EXOSC9: variants seen among roughly 807,000 people sequenced by gnomAD.
The protein encoded by EXOSC9 is exosome complex component RRP45.
In EXOSC9, 38 loss-of-function variants were observed where a neutral mutation model predicts 56.5. That is an observed-to-expected ratio of 0.67 (90% CI 0.52 to 0.88). The LOEUF is 0.88. Among genes scored for constraint, EXOSC9 ranks in the 40% least tolerant of loss-of-function variants. The probability of loss-of-function intolerance (pLI) is 0.00; values close to 1 mark genes in which losing one functional copy is unlikely to be tolerated. For missense variants in EXOSC9, 559 were observed against 530.5 expected, an observed-to-expected ratio of 1.05 and a Z score of -0.53; for synonymous variants, 170 against 170.8, an observed-to-expected ratio of 0.99 and a Z score of 0.04.
intron 6 of EXOSC9, 69 bp downstream of exon 6, chr4:121,807,691 T>A: frequency 2.2e-6 from 2 of 923,550 alleles, no homozygotes; most frequent in South Asian, 1.3e-5. Context: ...TACTCAAGTA[T>A]GTCATGTTAA....
chr4:121,804,387 T>C (rs1292864221), intron 4 of EXOSC9: 2 of 328,146 alleles, frequency 6.1e-6, no homozygotes, highest in Non-Finnish European at 1.1e-5. Flanking sequence ...TAGTATTAAA[T>C]GTTAGAGTGG....
rs1727163416 is a variant in EXOSC9 at position 121,809,984 on chromosome 4, A to T, written c.623A>T (p.Asp208Val). The change falls in exon 7 of 12, where the codon GAT becomes GTT. Residue 208 changes from aspartate to valine, a missense_variant. Physicochemically the swap from Asp to Val is radical, Grantham distance 152. Coordinates refer to ENST00000243498, the MANE Select transcript of EXOSC9 (RefSeq NM_005033.3). ...FFQQGTYLLV[D>V]PNEREERVMD... ...CATTTCAGAACATATTTATTGGTGG[A>T]TCCCAATGAACGAGAAGAACGTGTG... is the stretch of plus-strand genomic sequence containing the variant. 2 of 1,614,120 alleles carry T rather than the reference A, an allele frequency of 1.2e-6. No individual in the cohort carries two copies. The highest frequency in any genetic ancestry group is 1.7e-6 in the Non-Finnish European group (2 of 1,179,964).
intron 7 of EXOSC9, 62 bp downstream of exon 7, chr4:121,810,161 G>A (rs1444236229): frequency 8.1e-6 from 12 of 1,472,652 alleles, no homozygotes; most frequent in Middle Eastern, 1.7e-4. Context: ...GCTTTTTCTT[G>A]TCTTTTAACA....
chr4:121,816,155 C>T, intron 10 of EXOSC9: 1 of 651,312 alleles, frequency 1.5e-6, no homozygotes. Context: ...GCTGGGGTTT[C>T]ACCATGTTGG....
chr4:121,807,318 G>C (rs1181527305), intron 5 of EXOSC9, among the ~76,000 whole-genome samples: 1 of 152,082 alleles, frequency 6.6e-6, no homozygotes, highest in Non-Finnish European at 1.5e-5. Context: ...TTTATGGGAT[G>C]TAAATTATGT....
intron 5 of EXOSC9, 86 bp from the exon 6 acceptor site, chr4:121,807,454 T>C (rs1244124204): frequency 6.8e-6 from 5 of 732,824 alleles, no homozygotes; most frequent in Non-Finnish European, 1.1e-5. Context: ...AGGAACTTCA[T>C]TTTTTAGTAT....
At chr4:121,813,675 T>C (rs1377935654) in intron 9 of EXOSC9, 191 bp from the exon 10 acceptor site, 1 of 532,942 alleles carries the variant, frequency 1.9e-6, no homozygotes, top group Non-Finnish European at 3.3e-6. Flanking sequence ...ATTGCATCCA[T>C]AAAATCTTGC....
chr4:121,813,142 GATAAA>G (rs1578505764), intron 8 of EXOSC9, 87 bp from the exon 9 acceptor site: 4 of 1,219,260 alleles, frequency 3.3e-6, no homozygotes, highest in East Asian at 2.4e-5. Flanking sequence ...TCCACCAAAG[GATAAA>G]ATAATAGTTT....
In EXOSC9 at chr4:121,813,921, GA is replaced by G. The variant is rs1310351331; in HGVS notation, c.1034del (p.Asn345ThrfsTer27). The part of the protein sequence containing the change: ...PGTAQIGEGV[E>X]NSWGDLEDSE... ...AACTGCCCAAATTGGAGAGGGAGTA[GA>G]AAACTCCTGGGGTGATCTTGAAGAC... On this transcript the variant is annotated frameshift_variant, in exon 10 of 12. Transcript: ENST00000243498. LOFTEE classifies it high-confidence loss of function. 6 of 1,613,078 alleles carry G rather than the reference GA, an allele frequency of 3.7e-6. No homozygotes were observed. The highest frequency in any genetic ancestry group is 4.2e-6 in the Non-Finnish European group (5 of 1,179,126).
chr4:121,815,317 G>T lies in EXOSC9; in HGVS notation c.1157-1052G>T, dbSNP rs1169485178. ...CCATTTTCTCACTGTTAATATCCTT[G>T]CACTTGCATATACCTCTTATATGTT... On this transcript the variant is annotated intron_variant, in intron 10 of 11. Coordinates refer to ENST00000243498, the MANE Select transcript of EXOSC9 (RefSeq NM_005033.3). 15 of 959,074 alleles carry T rather than the reference G, an allele frequency of 1.6e-5. No individual in the cohort carries two copies. In the East Asian group the frequency reaches 1.6e-3, roughly 103 times the overall value. 59.4% of individuals were successfully genotyped at this position (959,074 alleles called of 1,614,324 possible).
rs560676603 is a variant in EXOSC9, at chr4:121,807,595, G to A, written c.578G>A (p.Cys193Tyr). 6.2e-7 allele frequency: 1 copy of A among 1,613,488 alleles called. No individual in the cohort carries two copies. Among genetic ancestry groups the A allele is most frequent in the Non-Finnish European group, 8.5e-7 (1 of 1,179,568 alleles). ...TTAAGTATCCACCACATGCCCATTT[G>A]TGTCAGTTTTGCCTTTTTCCAGCAA... ...VPLSIHHMPI[C>Y]VSFAFFQQGT... Residue 193 changes from cysteine to tyrosine, a missense_variant, in exon 6 of 12, where the codon TGT becomes TAT. Coordinates refer to ENST00000243498, the MANE Select transcript of EXOSC9 (RefSeq NM_005033.3).
intron 6 of EXOSC9, chr4:121,807,883 A>G (rs866152031): frequency 1.9e-6 from 1 of 512,886 alleles, no homozygotes; most frequent in South Asian, 2.4e-5. Context: ...TTACTATGGC[A>G]TGGTAGTGTT....
At chr4:121,808,644 T>C (rs1309556137) in intron 6 of EXOSC9, among the ~76,000 whole-genome samples, 1 of 151,980 alleles carries the variant, frequency 6.6e-6, no homozygotes, top group Non-Finnish European at 1.5e-5. Context: ...ATTACGGGGA[T>C]GAGCCACCAT....
rs761443767 is a variant in EXOSC9 at position 121,816,349 on chromosome 4, A to T, written c.1157-20A>T. ...TTGCTTAACTTTTTTTTTTTTTTTTAAATTAATAAAAAAACAAAGATGCTC... is the reference window on the plus strand; with the variant it reads ...TTGCTTAACTTTTTTTTTTTTTTTTTAATTAATAAAAAAACAAAGATGCTC... On this transcript the variant is annotated intron_variant, in intron 10 of 11. Transcript: ENST00000243498. 731 of 1,185,012 alleles carry T rather than the reference A, an allele frequency of 6.2e-4. No homozygotes were observed. The highest frequency in any genetic ancestry group is 1.6e-3 in the African/African-American group (93 of 59,660). The allele number at this position is 1,185,012 out of a possible 1,614,324, so 73.4% of individuals were successfully genotyped here.
At chr4:121,802,628 G>A (rs1726900044) in intron 2 of EXOSC9, 46 bp from the exon 3 acceptor site, 1 of 1,585,982 alleles carries the variant, frequency 6.3e-7, no homozygotes. Context: ...TTTTGTTTTG[G>A]AAGGAGAGTC....
chr4:121,805,169 T>C (rs1352316150), intron 5 of EXOSC9, among the ~76,000 whole-genome samples: 1 of 152,238 alleles, frequency 6.6e-6, no homozygotes, highest in Non-Finnish European at 1.5e-5. Context: ...TCCAGGACTT[T>C]TGTTCATTAG....
intron 10 of EXOSC9, chr4:121,816,116 TG>T: frequency 1.6e-6 from 1 of 638,952 alleles, no homozygotes. Context: ...CCACCACGCC[TG>T]GCTAATTTTT....
chr4:121,814,154 T>C (rs1724384926), intron 10 of EXOSC9, 107 bp downstream of exon 10: 2 of 641,684 alleles, frequency 3.1e-6, no homozygotes, highest in Non-Finnish European at 2.6e-6. Flanking sequence ...ATTATCACTG[T>C]ATATAGTAAT....
intron 10 of EXOSC9, chr4:121,816,150 G>A: frequency 1.5e-6 from 1 of 651,970 alleles, no homozygotes; most frequent in Non-Finnish European, 2.7e-6. Flanking sequence ...ATAGAGCTGG[G>A]GTTTCACCAT....
Sources: gnomAD v4.1 joint callset for allele counts (sites outside exome capture counted in the v4.1 genomes callset) on GRCh38, gnomAD v4.1.1 for gene constraint, MANE v1.5 for transcripts, NCBI Gene and HGNC (gene_info 2026-07-23, HGNC 2026-07-21) for gene names.